TRAPPC9: variants seen among roughly 807,000 people sequenced by gnomAD.
TRAPPC9 encodes IKK2 binding protein.
A neutral mutation model predicts 124.0 loss-of-function variants in TRAPPC9; 83 were observed. That is an observed-to-expected ratio of 0.67 (90% CI 0.56 to 0.80). The LOEUF (loss-of-function observed/expected upper bound fraction) is 0.80, where lower values mean the gene tolerates loss of function less well. Among genes scored for constraint, TRAPPC9 ranks in the 30% least tolerant of loss-of-function variants. The probability of loss-of-function intolerance (pLI) is 0.00; values close to 1 mark genes in which losing one functional copy is unlikely to be tolerated. For missense variants in TRAPPC9, 1,302 were observed against 1,508.3 expected (o/e 0.86, Z 2.27); for synonymous variants, 638 against 617.5 (o/e 1.03, Z -0.49).
chr8:140,001,327 A>ATG (rs1838384125), intron 18 of TRAPPC9, among the ~76,000 whole-genome samples: 1 of 152,116 alleles, frequency 6.6e-6, no homozygotes, highest in Non-Finnish European at 1.5e-5. Context: ...AACATGGCAC[A>ATG]TATATACCTA....
At chr8:139,802,430 T>G (rs1193416008) in intron 21 of TRAPPC9, among the ~76,000 whole-genome samples, 1 of 152,100 alleles carries the variant, frequency 6.6e-6, no homozygotes, top group Non-Finnish European at 1.5e-5. Context: ...CCTGGGGCAG[T>G]GGAGGAGAAG....
At chr8:139,892,579 G>A (rs1043316300) in intron 20 of TRAPPC9, among the ~76,000 whole-genome samples, 7 of 152,288 alleles carry the variant, frequency 4.6e-5, no homozygotes, top group Non-Finnish European at 8.8e-5. Flanking sequence ...CGGGTAACAC[G>A]CACCACAGGT....
intron 17 of TRAPPC9, among the ~76,000 whole-genome samples, chr8:140,212,071 G>A (rs993617049): frequency 6.6e-6 from 1 of 152,222 alleles, no homozygotes; most frequent in African/African-American, 2.4e-5. Context: ...TGAATGAAAG[G>A]AAGTGAGCAA....
intron 20 of TRAPPC9, among the ~76,000 whole-genome samples, chr8:139,908,245 C>A (rs1205663283): frequency 6.6e-6 from 1 of 152,164 alleles, no homozygotes; most frequent in Non-Finnish European, 1.5e-5. Context: ...CTGCCAGGCC[C>A]ACCATGCACC....
chr8:140,117,991 A>G (rs760626669), intron 17 of TRAPPC9, among the ~76,000 whole-genome samples: 9 of 152,250 alleles, frequency 5.9e-5, no homozygotes, highest in Non-Finnish European at 1.2e-4. Flanking sequence ...ATTTACCTGC[A>G]ACCACTAGGA....
intron 19 of TRAPPC9, among the ~76,000 whole-genome samples, chr8:139,978,043 T>G (rs747915960): frequency 6.6e-6 from 1 of 151,772 alleles, no homozygotes; most frequent in Non-Finnish European, 1.5e-5. Context: ...AAGTTTTGTT[T>G]TGTTTTGTAT....
intron 20 of TRAPPC9, among the ~76,000 whole-genome samples, chr8:139,886,694 C>T (rs1830037618): frequency 6.6e-6 from 1 of 152,216 alleles, no homozygotes; most frequent in Non-Finnish European, 1.5e-5. Flanking sequence ...ACCCCACCTT[C>T]CTTCTTCCTT....
At position 140,252,207 on chromosome 8, in the gene TRAPPC9, A is replaced by C. The variant is rs1345073360; in HGVS notation, c.2431+570T>G. On this transcript the variant is annotated intron_variant, in intron 16 of 22. Transcript: ENST00000438773. This position sits in a 1 kb window ranked among gnomAD's most constrained non-coding sequence, Gnocchi z 4.2. ...TGCCCGACGAATTTTTGTATTGTTA[A>C]TAGAGACAGGATTTCACCATGTTGT... is the stretch of plus-strand genomic sequence containing the variant. Among the ~76,000 whole-genome samples, 1 of 151,934 alleles carries C rather than the reference A, an allele frequency of 6.6e-6. No individual in the cohort carries two copies. Among genetic ancestry groups the C allele is most frequent in the Non-Finnish European group, 1.5e-5 (1 of 67,998 alleles).
chr8:140,334,781 G>A (rs1269652722), intron 9 of TRAPPC9, among the ~76,000 whole-genome samples: 4 of 152,130 alleles, frequency 2.6e-5, no homozygotes, highest in African/African-American at 7.2e-5. Flanking sequence ...CAAGGAGTCT[G>A]TAATCTAGTG....
intron 12 of TRAPPC9, among the ~76,000 whole-genome samples, chr8:140,290,054 C>A (rs766289252): frequency 3.3e-5 from 5 of 152,186 alleles, no homozygotes; most frequent in Admixed American, 6.5e-5. Flanking sequence ...TTCCCTGACT[C>A]TCCAGGGCCA....
intron 21 of TRAPPC9, among the ~76,000 whole-genome samples, chr8:139,849,442 G>A (rs1489550054): frequency 6.6e-6 from 1 of 152,238 alleles, no homozygotes; most frequent in Non-Finnish European, 1.5e-5. Flanking sequence ...AGGTGTAGCT[G>A]CTCCCTCTCC....
intron 17 of TRAPPC9, among the ~76,000 whole-genome samples, chr8:140,152,746 T>C (rs1031645282): frequency 1.3e-5 from 2 of 152,162 alleles, no homozygotes; most frequent in African/African-American, 4.8e-5. Flanking sequence ...TTGTTTAACT[T>C]CTTTCAGTGA....
rs1020415759 is a variant in TRAPPC9, at chr8:139,729,605, C to T, written c.*1456G>A. On this transcript the variant is annotated 3_prime_UTR_variant, in exon 23 of 23. Coordinates refer to ENST00000438773, the MANE Select transcript of TRAPPC9 (RefSeq NM_001160372.4). ...CAGTGTGCTCCCATCATTCACTGAGCGACAACAGGAGGCCACAGATGGAAC... is the reference window on the plus strand; with the variant it reads ...CAGTGTGCTCCCATCATTCACTGAGTGACAACAGGAGGCCACAGATGGAAC... 3.9e-5 allele frequency among the ~76,000 whole-genome samples: 6 copies of T among 152,196 alleles called. No individual in the cohort carries two copies. Among genetic ancestry groups the T allele is most frequent in the African/African-American group, 1.4e-4 (6 of 41,446 alleles).
intron 18 of TRAPPC9, among the ~76,000 whole-genome samples, chr8:140,015,224 G>C (rs915674218): frequency 3.3e-5 from 5 of 152,174 alleles, no homozygotes; most frequent in African/African-American, 1.2e-4. Context: ...CTGGAAGCCA[G>C]GACATCTAGA....
chr8:140,149,178 C>T (rs570194898), intron 17 of TRAPPC9, among the ~76,000 whole-genome samples: 1 of 152,060 alleles, frequency 6.6e-6, no homozygotes, highest in Non-Finnish European at 1.5e-5. Flanking sequence ...TGATCTCGTT[C>T]CATTGCTCTG....
rs763395971 is a variant in TRAPPC9 at position 140,221,494 on chromosome 8, C to T, written c.2521G>A (p.Glu841Lys). The T allele has an allele frequency of 6.2e-6, 10 of 1,614,018 alleles. No individual in the cohort carries two copies. The highest frequency in any genetic ancestry group is 4.0e-5 in the African/African-American group (3 of 74,926). The change falls in exon 17 of 23, where the codon GAG (glutamate) becomes AAG (lysine). Residue 841 changes from glutamate (E) to lysine (K), a missense_variant. Physicochemically the swap from Glu to Lys is moderately conservative, Grantham distance 56. This residue lies in a region of TRAPPC9 where 640 missense variants were observed against 679.3 expected (regional missense o/e 0.94). Transcript: ENST00000438773. The part of the protein sequence containing the change: ...RVEGKPVNPP[E>K]SNKAGDYSHV... ...CTGTAGTCGCCTGCTTTGTTGCTCTCGGGTGGGTTCACAGGTTTGCCCTCC... is the reference window on the plus strand; with the variant it reads ...CTGTAGTCGCCTGCTTTGTTGCTCTTGGGTGGGTTCACAGGTTTGCCCTCC...
chr8:139,769,238 C>T (rs771626157), intron 21 of TRAPPC9, among the ~76,000 whole-genome samples: 5 of 152,178 alleles, frequency 3.3e-5, no homozygotes, highest in Non-Finnish European at 5.9e-5. Context: ...GACATACATA[C>T]CTATGATAAA....
chr8:139,861,522 C>T lies in TRAPPC9; in HGVS notation c.3055+24357G>A, dbSNP rs1024047635. ...CTGTTGGGAAAGTTGTTTACTGAAACTAGAAGCAAGGGGGCGAAGAGAACC... is the reference window on the plus strand; with the variant it reads ...CTGTTGGGAAAGTTGTTTACTGAAATTAGAAGCAAGGGGGCGAAGAGAACC... On this transcript the variant is annotated intron_variant, in intron 21 of 22. Coordinates refer to ENST00000438773, the MANE Select transcript of TRAPPC9 (RefSeq NM_001160372.4). Among the ~76,000 whole-genome samples the T allele has an allele frequency of 2.0e-5, 3 of 152,098 alleles. No individual in the cohort carries two copies. The East Asian group carries it at 5.8e-4, about 29-fold the overall frequency.
chr8:140,270,631 G>A (rs1204989950), intron 15 of TRAPPC9, among the ~76,000 whole-genome samples: 1 of 152,166 alleles, frequency 6.6e-6, no homozygotes, highest in African/African-American at 2.4e-5. Context: ...GGAGACCCAG[G>A]AGCCCAGGCT....
Sources: allele counts gnomAD v4.1 joint callset (sites outside exome capture counted in the v4.1 genomes callset), GRCh38; gene constraint gnomAD v4.1.1; regional missense constraint gnomAD v4.1.1; non-coding constraint Gnocchi (gnomAD v3.1); transcripts MANE v1.5; gene names NCBI Gene and HGNC (gene_info 2026-07-23, HGNC 2026-07-21).